ZFP90: variants seen among roughly 807,000 people sequenced by gnomAD.
ZFP90 encodes zinc finger protein 90 homolog.
Under a neutral mutation model 60.8 loss-of-function variants are expected in ZFP90, and 38 were observed. That is an observed-to-expected ratio of 0.62 (90% CI 0.48 to 0.82). The LOEUF is 0.82. ZFP90 is among the 40% of genes least tolerant of loss of function. The pLI is 0.00. For missense variants in ZFP90, 711 were observed against 759.1 expected (o/e 0.94, Z 0.74); for synonymous variants, 287 against 264.8 (o/e 1.08, Z -0.82).
intron 2 of ZFP90, among the ~76,000 whole-genome samples, chr16:68,573,404 G>A (rs985044109): frequency 1.3e-5 from 2 of 152,362 alleles, no homozygotes; most frequent in Non-Finnish European, 1.5e-5. Context: ...CTTGAGGCCA[G>A]CAGGTCCAGG....
upstream of ZFP90, among the ~76,000 whole-genome samples, chr16:68,538,134 A>G (rs1197634230): frequency 6.6e-6 from 1 of 150,834 alleles, no homozygotes; most frequent in African/African-American, 2.4e-5. Flanking sequence ...CTGGTCTCGA[A>G]CTCCTGACCT....
intron 2 of ZFP90, among the ~76,000 whole-genome samples, chr16:68,541,527 G>T (rs899967474): frequency 2.0e-5 from 3 of 151,958 alleles, no homozygotes; most frequent in African/African-American, 7.3e-5. Context: ...CACCATGTTG[G>T]CCAGGATGGT....
At chr16:68,536,469 C>G (rs575905087), upstream of ZFP90, among the ~76,000 whole-genome samples, 2 of 152,112 alleles carry the variant, frequency 1.3e-5, no homozygotes, top group South Asian at 4.2e-4. Context: ...CCACACCTGG[C>G]ATTATTATTA....
intron 2 of ZFP90, among the ~76,000 whole-genome samples, chr16:68,575,553 A>AAAAAT (rs2152079889): frequency 6.9e-6 from 1 of 144,568 alleles, no homozygotes; most frequent in Non-Finnish European, 1.5e-5. Context: ...AAAAAAAAAA[A>AAAAAT]AAGGCTAAAA....
At chr16:68,549,441 G>A (rs2091214210) in intron 2 of ZFP90, among the ~76,000 whole-genome samples, 3 of 152,080 alleles carry the variant, frequency 2.0e-5, no homozygotes, top group Admixed American at 6.6e-5. Flanking sequence ...ACTATGGGAG[G>A]CTGAGGCAGG....
At chr16:68,558,832 C>T (rs1036314824) in intron 4 of ZFP90, among the ~76,000 whole-genome samples, 1 of 152,276 alleles carries the variant, frequency 6.6e-6, no homozygotes, top group South Asian at 2.1e-4. Context: ...TCCCATATTT[C>T]TTCCCTGAAT....
chr16:68,534,254 C>T lies in ZFP90; in HGVS notation c.-36+399C>T, dbSNP rs572523470. On this transcript the variant is annotated intron_variant, in intron 2 of 3. Coordinates refer to the ZFP90 transcript ENST00000569109. ...CTTTCTTTTTTTTTTTTTGAGACAG[C>T]GTCTCACTGTGTAGCTCAGGCTGGA... Among the ~76,000 whole-genome samples, 495 of 125,014 alleles carry T rather than the reference C, an allele frequency of 4.0e-3. 4 individuals carry two copies. Among genetic ancestry groups the T allele is most frequent in the Non-Finnish European group, 6.5e-3 (406 of 62,122 alleles). 82.0% of individuals were successfully genotyped at this position (125,014 alleles called of 152,430 possible). A position where few individuals can be genotyped will look rare whatever the true frequency, so the allele number is the denominator to read the frequency against.
rs2091376743 is a variant in ZFP90, at chr16:68,558,154, T to G, written c.160+30T>G. On this transcript the variant is annotated intron_variant, in intron 3 of 4. Coordinates refer to ENST00000563169, the MANE Select transcript of ZFP90 (RefSeq NM_001305203.2). ...GGACCACTTCTCTGAGTGTCTTTCC[T>G]GCTGATGGGCCTTTCCTTCCTTGGT... is the stretch of plus-strand genomic sequence containing the variant. 3 of 1,609,636 alleles carry G rather than the reference T, an allele frequency of 1.9e-6. No homozygotes were observed. The East Asian group carries it at 6.7e-5, about 36-fold the overall frequency.
Position 68,566,750 on chromosome 16 carries a change from G to A in ZFP90, c.*2052G>A. 1 of 985,598 alleles carries A rather than the reference G, an allele frequency of 1.0e-6. No homozygotes were observed. The highest frequency in any genetic ancestry group is 1.2e-6 in the Non-Finnish European group (1 of 829,952). 61.1% of individuals were successfully genotyped at this position (985,598 alleles called of 1,614,324 possible). On this transcript the variant is annotated 3_prime_UTR_variant, in exon 5 of 5. Coordinates refer to ENST00000563169, the MANE Select transcript of ZFP90 (RefSeq NM_001305203.2). ...ACCCTCCCTACTGATTGGCTAGGAT[G>A]CCTGTCAGGAACTCATTATGCTACT... is the stretch of plus-strand genomic sequence containing the variant.
chr16:68,550,122 T>C (rs1157724588), intron 2 of ZFP90, among the ~76,000 whole-genome samples: 1 of 152,206 alleles, frequency 6.6e-6, no homozygotes, highest in Non-Finnish European at 1.5e-5. Context: ...GTGAAATTAA[T>C]TTTAGTAATA....
chr16:68,556,323 CCAT>C (rs2091343851), intron 2 of ZFP90, among the ~76,000 whole-genome samples: 1 of 136,586 alleles, frequency 7.3e-6, no homozygotes, highest in African/African-American at 2.7e-5. Flanking sequence ...AGCCAGCCAG[CCAT>C]GTGTCCATGG....
chr16:68,554,637 C>G (rs1402225602), intron 2 of ZFP90, among the ~76,000 whole-genome samples: 1 of 152,124 alleles, frequency 6.6e-6, no homozygotes, highest in Non-Finnish European at 1.5e-5. Flanking sequence ...TGAGTGCAGA[C>G]TCTTTGGGAA....
In ZFP90 at chr16:68,566,696, A is replaced by G; in HGVS notation, c.*1998A>G. On this transcript the variant is annotated 3_prime_UTR_variant, in exon 5 of 5. Coordinates refer to ENST00000563169, the MANE Select transcript of ZFP90 (RefSeq NM_001305203.2). ...AGGCTGTGCTTCTATTATCTGATAC[A>G]TAGTTTGACAATGGGTAATTCTACT... The G allele has an allele frequency of 1.0e-6, 1 of 985,550 alleles. No individual in the cohort carries two copies. Among genetic ancestry groups the G allele is most frequent in the Non-Finnish European group, 1.2e-6 (1 of 829,928 alleles). 61.1% of individuals were successfully genotyped at this position (985,550 alleles called of 1,614,324 possible). A position where few individuals can be genotyped will look rare whatever the true frequency, so the allele number is the denominator to read the frequency against.
chr16:68,557,986 G>A lies in ZFP90; in HGVS notation c.34-12G>A, dbSNP rs1239237914. The stretch of plus-strand genomic sequence containing the variant: ...GGTTGATCCCCAGTTGAACAGGAAT[G>A]TGATTTTACAGGAATCAGTGACATT... On this transcript the variant is annotated splice_polypyrimidine_tract_variant and intron_variant, in intron 2 of 4. Coordinates refer to ENST00000563169, the MANE Select transcript of ZFP90 (RefSeq NM_001305203.2). The A allele has an allele frequency of 1.9e-6, 3 of 1,613,540 alleles. No homozygotes were observed. The highest frequency in any genetic ancestry group is 2.5e-6 in the Non-Finnish European group (3 of 1,179,780).
rs1443765380 is a variant in ZFP90, at chr16:68,564,782, A to T, written c.*84A>T. The T allele has an allele frequency of 1.3e-6, 2 of 1,488,724 alleles. No individual in the cohort carries two copies. The highest frequency in any genetic ancestry group is 1.4e-5 in the African/African-American group (1 of 71,224). 92.2% of individuals were successfully genotyped at this position (1,488,724 alleles called of 1,614,324 possible). Reference sequence around the variant, plus strand: ...CAGAGGATTCTTAGAGAGCTTGGGAATGTAATGAATTACGTGTGTGTTTAT... The same window carrying T: ...CAGAGGATTCTTAGAGAGCTTGGGATTGTAATGAATTACGTGTGTGTTTAT... On this transcript the variant is annotated 3_prime_UTR_variant, in exon 5 of 5. Coordinates refer to ENST00000563169, the MANE Select transcript of ZFP90 (RefSeq NM_001305203.2).
At chr16:68,551,531 C>G (rs1021832998) in intron 2 of ZFP90, among the ~76,000 whole-genome samples, 2 of 149,846 alleles carry the variant, frequency 1.3e-5, no homozygotes, top group African/African-American at 4.9e-5. Context: ...AAGCAATTCT[C>G]CCTGCCTCAG....
downstream of ZFP90, among the ~76,000 whole-genome samples, chr16:68,569,728 C>CT (rs2091557166): frequency 6.6e-6 from 1 of 151,718 alleles, no homozygotes; most frequent in Non-Finnish European, 1.5e-5. Flanking sequence ...TGGCAAAACT[C>CT]TGTTTCTACC....
chr16:68,551,288 G>A (rs1392375930), intron 2 of ZFP90, among the ~76,000 whole-genome samples: 1 of 152,054 alleles, frequency 6.6e-6, no homozygotes, highest in Non-Finnish European at 1.5e-5. Flanking sequence ...TCATTATGGA[G>A]CTTTTTAGGA....
Position 68,564,066 on chromosome 16 carries a change from TAC to T in ZFP90, c.1281_1282del (p.Tyr427Ter). 1 of 1,614,114 alleles carries T rather than the reference TAC, an allele frequency of 6.2e-7. No homozygotes were observed. Among genetic ancestry groups the T allele is most frequent in the Non-Finnish European group, 8.5e-7 (1 of 1,180,010 alleles). On this transcript the variant is annotated frameshift_variant, in exon 5 of 5. Transcript: ENST00000563169. LOFTEE classifies it high-confidence loss of function. Reference sequence around the variant, plus strand: ...AGGCAAACCTTACCAAAGCAGTAACTACAGCATAGATTTCAAGCACAGCACAT... The same window carrying T: ...AGGCAAACCTTACCAAAGCAGTAACTAGCATAGATTTCAAGCACAGCACAT... ...KRGKPYQSSN[Y>X]SIDFKHSTSL...
Sources: allele counts gnomAD v4.1 joint callset (sites outside exome capture counted in the v4.1 genomes callset), GRCh38; gene constraint gnomAD v4.1.1; transcripts MANE v1.5; gene names NCBI Gene and HGNC (gene_info 2026-07-23, HGNC 2026-07-21).